SKIC3: variants seen among roughly 807,000 people sequenced by gnomAD.
SKIC3 encodes superkiller complex protein 3.
the SKIC3 span, among the ~76,000 whole-genome samples, chr5:95,489,786 A>G: frequency 6.6e-6 from 1 of 152,142 alleles, no homozygotes; most frequent in Non-Finnish European, 1.5e-5. Flanking sequence ...GATAAAAAAT[A>G]AAAATAGGTA....
the SKIC3 span, chr5:95,543,089 G>A: frequency 6.9e-7 from 1 of 1,443,028 alleles, no homozygotes; most frequent in African/African-American, 1.4e-5. Context: ...GGCAAATGTA[G>A]GTTTAAATGC....
the SKIC3 span, among the ~76,000 whole-genome samples, chr5:95,503,241 C>T: frequency 6.6e-6 from 1 of 152,146 alleles, no homozygotes. Flanking sequence ...CTTCTACGTT[C>T]GGAATCTATA....
the SKIC3 span, chr5:95,517,300 C>CATCA: frequency 6.2e-7 from 1 of 1,613,144 alleles, no homozygotes; most frequent in South Asian, 1.1e-5. Context: ...AGGCAGGACA[C>CATCA]ATCAGCTCGA....
the SKIC3 span, among the ~76,000 whole-genome samples, chr5:95,481,475 T>C: frequency 1.3e-5 from 2 of 152,194 alleles, no homozygotes; most frequent in African/African-American, 2.4e-5. Context: ...TTGCCCAGTC[T>C]CAGGTGTCTT....
chr5:95,469,895 C>T, the SKIC3 span: 6 of 1,613,948 alleles, frequency 3.7e-6, no homozygotes, highest in Non-Finnish European at 4.2e-6. Flanking sequence ...GGCCAGTGAT[C>T]ATTGGAAATG....
chr5:95,517,367 G>T, the SKIC3 span: 3 of 1,584,080 alleles, frequency 1.9e-6, no homozygotes, highest in Middle Eastern at 1.7e-4. Flanking sequence ...TTTATAAAAA[G>T]CATGAAGTTT....
chr5:95,515,443 T>C, the SKIC3 span, among the ~76,000 whole-genome samples: 1 of 152,152 alleles, frequency 6.6e-6, no homozygotes, highest in Non-Finnish European at 1.5e-5. Context: ...TGCTTTTTTT[T>C]CTGCTACAAA....
the SKIC3 span, among the ~76,000 whole-genome samples, chr5:95,485,950 C>G: frequency 1.3e-5 from 2 of 152,180 alleles, no homozygotes; most frequent in African/African-American, 4.8e-5. Context: ...TAGAAAGGCT[C>G]CTGAATGCAG....
At chr5:95,541,805 C>T in the SKIC3 span, 7 of 1,588,118 alleles carry the variant, frequency 4.4e-6, no homozygotes, top group East Asian at 6.7e-5. Context: ...TTTCCTCATA[C>T]ATTTCTTACC....
the SKIC3 span, among the ~76,000 whole-genome samples, chr5:95,496,907 G>A: frequency 6.6e-6 from 1 of 152,154 alleles, no homozygotes; most frequent in Non-Finnish European, 1.5e-5. Flanking sequence ...TAGAAGAATA[G>A]ACTCCTGAAA....
chr5:95,539,968 C>A, the SKIC3 span, among the ~76,000 whole-genome samples: 9 of 151,922 alleles, frequency 5.9e-5, no homozygotes, highest in Non-Finnish European at 8.8e-5. Flanking sequence ...ATGTTTATAG[C>A]GGCACAAGTC....
chr5:95,519,926 G>A, the SKIC3 span, among the ~76,000 whole-genome samples: 1 of 151,904 alleles, frequency 6.6e-6, no homozygotes, highest in Non-Finnish European at 1.5e-5. Context: ...TGTGAGACTT[G>A]AAAAGTAGCA....
chr5:95,509,036 C>T, the SKIC3 span, among the ~76,000 whole-genome samples: 2 of 152,066 alleles, frequency 1.3e-5, no homozygotes, highest in Admixed American at 1.3e-4. Context: ...AATTTCTCCA[C>T]CCCACCTCCT....
the SKIC3 span, among the ~76,000 whole-genome samples, chr5:95,495,724 T>G: frequency 6.6e-6 from 1 of 152,224 alleles, no homozygotes; most frequent in Admixed American, 6.5e-5. Context: ...CTTGTGCATC[T>G]GCAGCGTCCA....
the SKIC3 span, among the ~76,000 whole-genome samples, chr5:95,496,166 C>G: frequency 1.3e-5 from 2 of 151,930 alleles, no homozygotes; most frequent in Non-Finnish European, 2.9e-5. Context: ...TACAGGCGTG[C>G]GCCACCATGC....
the SKIC3 span, among the ~76,000 whole-genome samples, chr5:95,475,105 G>A: frequency 6.6e-6 from 1 of 152,166 alleles, no homozygotes; most frequent in Non-Finnish European, 1.5e-5. Context: ...TGCCATTTCA[G>A]TCACTTCAGA....
At chr5:95,531,169 G>T in the SKIC3 span, among the ~76,000 whole-genome samples, 1 of 152,032 alleles carries the variant, frequency 6.6e-6, no homozygotes, top group African/African-American at 2.4e-5. Flanking sequence ...TAAATTATTT[G>T]CATAATACCA....
At chr5:95,524,505 G>A in the SKIC3 span, 2 of 1,613,514 alleles carry the variant, frequency 1.2e-6, no homozygotes, top group South Asian at 1.1e-5. Flanking sequence ...ATCTTTTCTT[G>A]TCTCTTCACC....
At chr5:95,541,731 C>A in the SKIC3 span, 1 of 980,840 alleles carries the variant, frequency 1.0e-6, no homozygotes, top group Non-Finnish European at 1.5e-6. Flanking sequence ...CCAGTAAATG[C>A]TGGAATACTT....
Sources: gnomAD v4.1 joint callset for allele counts (sites outside exome capture counted in the v4.1 genomes callset) on GRCh38, gnomAD v4.1.1 for gene constraint, MANE v1.5 for transcripts, NCBI Gene and HGNC (gene_info 2026-07-23, HGNC 2026-07-21) for gene names.